The following LSAMP variants were observed in gnomAD, a reference collection of about 807,000 sequenced individuals.
The protein encoded by LSAMP is limbic system associated membrane protein.
In LSAMP, 7 loss-of-function variants were observed where a neutral mutation model predicts 38.6. The ratio of observed to expected loss-of-function variants is 0.18; its 90% CI spans 0.10 to 0.34. LSAMP has a LOEUF of 0.34. LSAMP is among the 10% of genes least tolerant of loss of function. LSAMP has a pLI of 1.00. For synonymous variants in LSAMP, 154 were observed against 166.8 expected, an observed-to-expected ratio of 0.92 and a Z score of 0.59; for missense variants, 313 against 420.0, an observed-to-expected ratio of 0.75 and a Z score of 2.23.
intron 2 of LSAMP, among the ~76,000 whole-genome samples, chr3:116,062,685 G>A (rs1941619684): frequency 6.6e-6 from 1 of 151,952 alleles, no homozygotes; most frequent in Admixed American, 6.6e-5. Context: ...TCAAAAATAT[G>A]TTCTTATTTC....
chr3:116,422,357 G>A (rs1197083799), intron 1 of LSAMP, among the ~76,000 whole-genome samples: 2 of 152,122 alleles, frequency 1.3e-5, no homozygotes, highest in African/African-American at 4.8e-5. Context: ...AAGCAATATA[G>A]TATAACAATT....
At chr3:115,989,007 C>A (rs1023030598) in intron 3 of LSAMP, among the ~76,000 whole-genome samples, 18 of 152,128 alleles carry the variant, frequency 1.2e-4, no homozygotes, top group African/African-American at 4.1e-4. Flanking sequence ...ATGAGAGGAG[C>A]ATAGTGATAT....
intron 1 of LSAMP, among the ~76,000 whole-genome samples, chr3:116,310,421 C>T (rs937754061): frequency 1.7e-4 from 26 of 152,172 alleles, no homozygotes; most frequent in African/African-American, 6.0e-4. Flanking sequence ...TCCTTGGCTT[C>T]TCAATTTGGT....
chr3:115,949,720 C>T (rs751261687), intron 3 of LSAMP, among the ~76,000 whole-genome samples: 4 of 151,568 alleles, frequency 2.6e-5, no homozygotes, highest in East Asian at 1.9e-4. Flanking sequence ...GGGAATCCTC[C>T]GTAAATAACT....
chr3:116,056,407 G>A (rs769609582), intron 2 of LSAMP, among the ~76,000 whole-genome samples: 2 of 152,100 alleles, frequency 1.3e-5, no homozygotes, highest in Non-Finnish European at 2.9e-5. Flanking sequence ...ATCTGGTACA[G>A]ACCTACCTAG....
At chr3:116,054,855 T>A (rs1360778045) in intron 2 of LSAMP, among the ~76,000 whole-genome samples, 2 of 152,188 alleles carry the variant, frequency 1.3e-5, no homozygotes, top group Admixed American at 1.3e-4. Flanking sequence ...AAAAGTGCCC[T>A]GTGTTTGGGG....
At chr3:115,875,831 A>T (rs956673121) in intron 3 of LSAMP, among the ~76,000 whole-genome samples, 11 of 152,100 alleles carry the variant, frequency 7.2e-5, no homozygotes, top group African/African-American at 2.4e-5. Flanking sequence ...TATATTTTGA[A>T]ATAACTTTTA....
At chr3:115,997,684 T>C (rs1939852207) in intron 3 of LSAMP, among the ~76,000 whole-genome samples, 1 of 141,970 alleles carries the variant, frequency 7.0e-6, no homozygotes, top group African/African-American at 2.6e-5. Flanking sequence ...GGGTGGGGTT[T>C]CTCAAGAGGG....
At chr3:116,197,153 ACACACACACACT>A (rs937816270) in intron 1 of LSAMP, among the ~76,000 whole-genome samples, 12 of 150,716 alleles carry the variant, frequency 8.0e-5, no homozygotes, top group Admixed American at 3.3e-4. Flanking sequence ...ACACACACAC[ACACACACACACT>A]CTCTCTCTCT....
intron 6 of LSAMP, chr3:115,834,526 C>T: frequency 1.6e-6 from 2 of 1,272,076 alleles, no homozygotes; most frequent in Non-Finnish European, 1.0e-6. Flanking sequence ...GAGAATGACC[C>T]AGGAAGAGAG....
intron 1 of LSAMP, among the ~76,000 whole-genome samples, chr3:116,214,717 C>A (rs1374408118): frequency 6.6e-6 from 1 of 151,698 alleles, no homozygotes; most frequent in Non-Finnish European, 1.5e-5. Context: ...TGGCCAGGCT[C>A]GTCTCAAATT....
intron 1 of LSAMP, among the ~76,000 whole-genome samples, chr3:116,299,715 A>G (rs2047382147): frequency 6.6e-6 from 1 of 152,180 alleles, no homozygotes; most frequent in South Asian, 2.1e-4. Context: ...CCCAACTGTG[A>G]CTAGTTGTGC....
chr3:116,338,782 T>G (rs565608019), intron 1 of LSAMP, among the ~76,000 whole-genome samples: 11 of 152,178 alleles, frequency 7.2e-5, no homozygotes, highest in South Asian at 2.1e-4. Context: ...CAAGGCTCTT[T>G]GAAGATGTTT....
At chr3:116,130,775 A>T (rs573681025) in intron 1 of LSAMP, among the ~76,000 whole-genome samples, 1 of 152,264 alleles carries the variant, frequency 6.6e-6, no homozygotes, top group South Asian at 2.1e-4. Flanking sequence ...CATTGAAAAA[A>T]TTACCTACCC....
At chr3:116,197,560 CT>C (rs1413231218) in intron 1 of LSAMP, among the ~76,000 whole-genome samples, 2 of 152,182 alleles carry the variant, frequency 1.3e-5, no homozygotes, top group Non-Finnish European at 2.9e-5. Flanking sequence ...TCTTATTTCA[CT>C]TTCTAGGCAG....
intron 2 of LSAMP, among the ~76,000 whole-genome samples, chr3:116,050,275 C>T (rs1941369846): frequency 6.6e-6 from 1 of 152,144 alleles, no homozygotes; most frequent in Non-Finnish European, 1.5e-5. Flanking sequence ...ACCACTCCCT[C>T]CCATTACCCT....
At position 116,086,418 on chromosome 3, in the gene LSAMP, G is replaced by A. The variant is rs35949439; in HGVS notation, c.294C>T (p.Ile98=). 990 of 1,614,032 alleles carry A rather than the reference G, an allele frequency of 6.1e-4. 4 individuals are homozygous for A. Among genetic ancestry groups the A allele is most frequent in the South Asian group, 1.6e-3 (147 of 91,070 alleles). Residue 98 remains isoleucine (I), a synonymous_variant, in exon 2 of 7, where the codon ATC becomes ATT. Coordinates refer to ENST00000490035, the MANE Select transcript of LSAMP (RefSeq NM_002338.5). ...CCTCATCATAGACATCCACCTTCTG[G>A]ATTCGGAGGCTGTATTCCAGAGAAT... ...KRHSLEYSLR[I]QKVDVYDEGS...
intron 3 of LSAMP, among the ~76,000 whole-genome samples, chr3:115,867,833 A>T (rs1935905924): frequency 6.6e-6 from 1 of 152,174 alleles, no homozygotes; most frequent in Non-Finnish European, 1.5e-5. Context: ...TATAATAATC[A>T]TTCTAAGAAG....
At chr3:116,441,855 C>G (rs989860238) in intron 1 of LSAMP, among the ~76,000 whole-genome samples, 1 of 152,192 alleles carries the variant, frequency 6.6e-6, no homozygotes, top group Admixed American at 6.5e-5. Context: ...AAGGCTGCTG[C>G]TGCTGCCGCC....
Sources: allele counts gnomAD v4.1 joint callset (sites outside exome capture counted in the v4.1 genomes callset), GRCh38; gene constraint gnomAD v4.1.1; transcripts MANE v1.5; gene names NCBI Gene and HGNC (gene_info 2026-07-23, HGNC 2026-07-21).